Variants in FAM228B observed in about 807,000 individuals in gnomAD.
The protein encoded by FAM228B is protein FAM228B.
In FAM228B, 38 loss-of-function variants were observed where a neutral mutation model predicts 42.6. The observed-to-expected ratio is 0.89, with a 90% CI of 0.69 to 1.17. The LOEUF (loss-of-function observed/expected upper bound fraction) is 1.17. Ranked by LOEUF, FAM228B falls within the 50% of genes most tolerant of loss-of-function variation. The pLI, the probability that FAM228B is intolerant of heterozygous loss-of-function variation, is 0.00. For missense variants in FAM228B, 344 were observed against 367.3 expected (o/e 0.94, Z 0.52); for synonymous variants, 109 against 122.3 (o/e 0.89, Z 0.72).
At chr2:24,127,596 A>G (rs1666347659) in intron 2 of FAM228B, among the ~76,000 whole-genome samples, 1 of 152,202 alleles carries the variant, frequency 6.6e-6, no homozygotes, top group South Asian at 2.1e-4. Context: ...TCCACTGCTC[A>G]GAGTTCATTG....
chr2:24,112,712 C>T (rs1665818337), intron 3 of FAM228B, among the ~76,000 whole-genome samples: 1 of 152,158 alleles, frequency 6.6e-6, no homozygotes, highest in African/African-American at 2.4e-5. Flanking sequence ...AAAGTACTGT[C>T]TACCCCACAG....
intron 2 of FAM228B, among the ~76,000 whole-genome samples, chr2:24,127,889 C>T (rs1666355989): frequency 6.6e-6 from 1 of 152,204 alleles, no homozygotes; most frequent in African/African-American, 2.4e-5. Context: ...TCTTGAACTC[C>T]TGGCCTCAAG....
intron 4 of FAM228B, among the ~76,000 whole-genome samples, chr2:24,138,549 G>A (rs964773491): frequency 1.3e-5 from 2 of 151,782 alleles, no homozygotes; most frequent in Non-Finnish European, 2.9e-5. Context: ...TGGTCAGGCT[G>A]GTCTCGAACT....
At chr2:24,153,721 C>T (rs1050953768) in intron 7 of FAM228B, among the ~76,000 whole-genome samples, 6 of 152,160 alleles carry the variant, frequency 3.9e-5, no homozygotes, top group East Asian at 3.9e-4. Flanking sequence ...CCCTAGGTCA[C>T]GTGCCACCCT....
chr2:24,082,460 T>A (rs1665047584), intron 2 of FAM228B, among the ~76,000 whole-genome samples: 1 of 152,244 alleles, frequency 6.6e-6, no homozygotes, highest in African/African-American at 2.4e-5. Context: ...ATCTTATGCA[T>A]ATGTTGCCTT....
chr2:24,079,845 G>T (rs1266441820), intron 1 of FAM228B, among the ~76,000 whole-genome samples: 1 of 152,148 alleles, frequency 6.6e-6, no homozygotes. Flanking sequence ...CATTTATGAG[G>T]CCTAGCTACA....
chr2:24,091,349 C>A (rs1001928990), intron 2 of FAM228B, among the ~76,000 whole-genome samples: 7 of 152,180 alleles, frequency 4.6e-5, no homozygotes, highest in Non-Finnish European at 8.8e-5. Flanking sequence ...AGGAGAATGG[C>A]GTGAACCCGG....
intron 8 of FAM228B, 97 bp from the exon 9 acceptor site, chr2:24,164,101 A>G (rs546203566): frequency 6.2e-6 from 7 of 1,137,974 alleles, no homozygotes; most frequent in South Asian, 3.7e-5. Flanking sequence ...ACAAATTCAC[A>G]TAGAACTCAT....
chr2:24,145,624 T>C (rs940722335), intron 5 of FAM228B, among the ~76,000 whole-genome samples: 2 of 152,050 alleles, frequency 1.3e-5, no homozygotes, highest in Non-Finnish European at 2.9e-5. Flanking sequence ...CAGAGTCCAA[T>C]GTCATTTAAA....
rs1258629822 is a variant in FAM228B at position 24,164,266 on chromosome 2, A to G, written c.863A>G (p.Lys288Arg). ...CYQEGNNPSA[K>R]EAISEGYFSS... ...CAGGAGGGAAATAATCCAAGTGCCA[A>G]AGAGGCCATCTCTGAAGGGTATTTT... The change falls in exon 9 of 11, where the codon AAA becomes AGA. Residue 288 changes from lysine (K) to arginine (R), a missense_variant. Transcript: ENST00000615575. The G allele has an allele frequency of 1.3e-6, 2 of 1,551,354 alleles. No individual in the cohort carries two copies. The highest frequency in any genetic ancestry group is 1.4e-5 in the African/African-American group (1 of 73,044).
chr2:24,081,385 A>C (rs1664995104), intron 2 of FAM228B, among the ~76,000 whole-genome samples: 2 of 151,870 alleles, frequency 1.3e-5, no homozygotes. Flanking sequence ...ACACCTGAAT[A>C]AGTAAGAACA....
At chr2:24,097,725 G>A (rs958981458) in intron 3 of FAM228B, among the ~76,000 whole-genome samples, 9 of 152,192 alleles carry the variant, frequency 5.9e-5, no homozygotes, top group East Asian at 1.9e-4. Flanking sequence ...ACAGATCAAC[G>A]AGACAGAAGG....
chr2:24,138,931 G>A (rs1350920931), intron 4 of FAM228B, among the ~76,000 whole-genome samples: 3 of 143,946 alleles, frequency 2.1e-5, no homozygotes, highest in African/African-American at 7.6e-5. Context: ...GGGTGATGGA[G>A]CAAGACTCTG....
rs144898949 is a variant in FAM228B at position 24,143,523 on chromosome 2, A to C, written c.442-3225A>C. On this transcript the variant is annotated intron_variant, in intron 5 of 10. Coordinates refer to ENST00000615575, the MANE Select transcript of FAM228B (RefSeq NM_001145710.2). The stretch of plus-strand genomic sequence containing the variant: ...CTACTTTTTTCAATTACGTATCTCT[A>C]TATGGATTTTCTTCATATATGACAA... Among the ~76,000 whole-genome samples the C allele has an allele frequency of 2.6e-5, 4 of 152,186 alleles. No homozygotes were observed. The East Asian group carries it at 7.7e-4, about 29-fold the overall frequency.
chr2:24,114,433 C>T (rs1665852765), intron 3 of FAM228B, among the ~76,000 whole-genome samples: 1 of 151,950 alleles, frequency 6.6e-6, no homozygotes, highest in African/African-American at 2.4e-5. Context: ...CTGGAAGGGT[C>T]AGATGTAAGA....
Position 24,084,368 on chromosome 2 carries a change from GGGCAGGGCAGGGCAGGACAGGA to G in FAM228B, c.-210+3414_-210+3435del. ...GGGCAGGGCAGGGCAGGACAGGACA[GGGCAGGGCAGGGCAGGACAGGA>G]CAGGGCAGGGCAGGACAGGACAGGG... On this transcript the variant is annotated intron_variant, in intron 2 of 10. Coordinates refer to the FAM228B transcript ENST00000613899. This position sits in a 1 kb window ranked among gnomAD's most constrained non-coding sequence, Gnocchi z 8.4. 6.4e-7 allele frequency: 1 copy of G among 1,569,388 alleles called. No individual in the cohort carries two copies. Among genetic ancestry groups the G allele is most frequent in the Non-Finnish European group, 8.6e-7 (1 of 1,159,256 alleles).
chr2:24,153,794 C>T (rs1667072467), intron 7 of FAM228B, among the ~76,000 whole-genome samples: 1 of 152,200 alleles, frequency 6.6e-6, no homozygotes, highest in Non-Finnish European at 1.5e-5. Context: ...GTCCTTGTTC[C>T]TAGACTGCCT....
At chr2:24,124,706 T>C (rs559177315) in intron 2 of FAM228B, among the ~76,000 whole-genome samples, 3 of 152,204 alleles carry the variant, frequency 2.0e-5, no homozygotes, top group Non-Finnish European at 4.4e-5. Context: ...TCTCTTGAGG[T>C]ACTGCCTTAG....
At chr2:24,088,525 A>G (rs1392591674) in intron 2 of FAM228B, among the ~76,000 whole-genome samples, 1 of 150,798 alleles carries the variant, frequency 6.6e-6, no homozygotes, top group Non-Finnish European at 1.5e-5. Flanking sequence ...TAATTTTTGC[A>G]TATTTAGTAG....
Sources: gnomAD v4.1 joint callset for allele counts (sites outside exome capture counted in the v4.1 genomes callset) on GRCh38, gnomAD v4.1.1 for gene constraint, Gnocchi (gnomAD v3.1) non-coding constraint, MANE v1.5 for transcripts, NCBI Gene and HGNC (gene_info 2026-07-23, HGNC 2026-07-21) for gene names.